The following XRN2 variants were observed in gnomAD, a reference collection of about 807,000 sequenced individuals.
XRN2 encodes the protein DHM1-like protein.
Under a neutral mutation model 138.5 loss-of-function variants are expected in XRN2, and 44 were observed. That is an observed-to-expected ratio of 0.32 (90% CI 0.25 to 0.41). XRN2 has a LOEUF of 0.41. Among genes scored for constraint, XRN2 ranks in the 10% least tolerant of loss-of-function variants. The pLI, the probability that XRN2 is intolerant of heterozygous loss-of-function variation, is 1.00. For synonymous variants in XRN2, 354 were observed against 369.4 expected, an observed-to-expected ratio of 0.96 and a Z score of 0.48; for missense variants, 937 against 1,169.3, an observed-to-expected ratio of 0.80 and a Z score of 2.90.
At chr20:21,305,898 C>T (rs2037809740) in intron 1 of XRN2, among the ~76,000 whole-genome samples, 1 of 66,376 alleles carries the variant, frequency 1.5e-5, no homozygotes, top group Admixed American at 1.8e-4. Flanking sequence ...TACAGGCGCC[C>T]GCCACCACGC....
intron 20 of XRN2, among the ~76,000 whole-genome samples, chr20:21,350,520 C>T (rs1205495968): frequency 6.0e-5 from 5 of 83,066 alleles, no homozygotes; most frequent in Admixed American, 1.9e-4. Context: ...AGCAAGACTC[C>T]GTCTCAAAAA....
intron 27 of XRN2, among the ~76,000 whole-genome samples, chr20:21,377,121 A>G (rs180931916): frequency 6.6e-6 from 1 of 152,312 alleles, no homozygotes; most frequent in East Asian, 1.9e-4. Flanking sequence ...TAAGAAATGT[A>G]TTGGATAAAT....
At chr20:21,378,083 A>T (rs1241013058) in intron 27 of XRN2, among the ~76,000 whole-genome samples, 1 of 152,212 alleles carries the variant, frequency 6.6e-6, no homozygotes, top group Admixed American at 6.5e-5. Context: ...GGGTAGTATT[A>T]TCCTTTTAAA....
At chr20:21,387,735 G>A (rs2038950411) in intron 29 of XRN2, among the ~76,000 whole-genome samples, 1 of 152,158 alleles carries the variant, frequency 6.6e-6, no homozygotes. Flanking sequence ...GTGATTCAGA[G>A]TAATGTGTAT....
At chr20:21,318,272 C>T (rs2037987621) in intron 1 of XRN2, among the ~76,000 whole-genome samples, 1 of 152,078 alleles carries the variant, frequency 6.6e-6, no homozygotes, top group Non-Finnish European at 1.5e-5. Context: ...AATGTCCTGT[C>T]TCTCGTCTCT....
intron 9 of XRN2, among the ~76,000 whole-genome samples, chr20:21,333,333 C>A (rs2038240766): frequency 6.6e-6 from 1 of 152,164 alleles, no homozygotes; most frequent in South Asian, 2.1e-4. Context: ...CTGTCTGGCC[C>A]TTTGCAGAAA....
At position 21,344,121 on chromosome 20, in the gene XRN2, C is replaced by A; in HGVS notation, c.1442C>A (p.Thr481Lys). ...TCGATATCTCCTAATACGAGTTTCACATCTGATGGCTCCCCGTCTCCATTA... is the reference window on the plus strand; with the variant it reads ...TCGATATCTCCTAATACGAGTTTCAAATCTGATGGCTCCCCGTCTCCATTA... The part of the protein sequence containing the change: ...SPSISPNTSF[T>K]SDGSPSPLGG... The change falls in exon 16 of 30, where the codon ACA becomes AAA. Residue 481 changes from threonine (T) to lysine (K), a missense_variant. By Grantham distance (78) the Thr-to-Lys change is moderately conservative. Around this residue, in one of 6 missense-constraint regions of XRN2, gnomAD observed 471 missense variants for 581.2 expected, o/e 0.81. Coordinates refer to ENST00000377191, the MANE Select transcript of XRN2 (RefSeq NM_012255.5). The A allele has an allele frequency of 6.2e-7, 1 of 1,613,158 alleles. No homozygotes were observed. The highest frequency in any genetic ancestry group is 8.5e-7 in the Non-Finnish European group (1 of 1,179,272).
At chr20:21,381,469 G>A (rs1405638611) in intron 27 of XRN2, among the ~76,000 whole-genome samples, 2 of 152,198 alleles carry the variant, frequency 1.3e-5, no homozygotes, top group African/African-American at 4.8e-5. Flanking sequence ...GGAGAAGTGG[G>A]TGGTCCCTTC....
At chr20:21,331,439 C>CACACACA in intron 6 of XRN2, 122 bp from the exon 7 acceptor site, 1 of 574,096 alleles carries the variant, frequency 1.7e-6, no homozygotes, top group Non-Finnish European at 3.1e-6. Context: ...ACACACACAC[C>CACACACA]CTTATTCAGA....
Position 21,354,888 on chromosome 20 carries a change from C to A in XRN2, c.2020+16C>A, listed in dbSNP as rs771719537. ...CCAGAAGAGAGTAAGAATTATACTT[C>A]TTAGTTAACATTGATCTGTGTAATA... On this transcript the variant is annotated intron_variant, in intron 21 of 29. Transcript: ENST00000377191. 6.3e-7 allele frequency: 1 copy of A among 1,599,644 alleles called. No individual in the cohort carries two copies. The highest frequency in any genetic ancestry group is 2.2e-5 in the East Asian group (1 of 44,768).
intron 16 of XRN2, among the ~76,000 whole-genome samples, chr20:21,345,948 A>C (rs1393278516): frequency 1.3e-5 from 2 of 151,142 alleles, no homozygotes; most frequent in African/African-American, 2.4e-5. Flanking sequence ...CTATTTTTTT[A>C]CATTTAAAAA....
At chr20:21,335,671 A>G (rs779781409) in intron 13 of XRN2, among the ~76,000 whole-genome samples, 2 of 152,202 alleles carry the variant, frequency 1.3e-5, no homozygotes, top group Non-Finnish European at 2.9e-5. Flanking sequence ...TTTTTCAACA[A>G]TTATGGTGGC....
intron 15 of XRN2, among the ~76,000 whole-genome samples, chr20:21,342,361 A>G (rs1334479810): frequency 6.6e-6 from 1 of 152,166 alleles, no homozygotes; most frequent in Non-Finnish European, 1.5e-5. Context: ...TTGATGAAAA[A>G]AACAGCTTAA....
chr20:21,328,532 G>A (rs1269226918), intron 3 of XRN2, 27 bp from the exon 4 acceptor site: 1 of 1,595,310 alleles, frequency 6.3e-7, no homozygotes, highest in Admixed American at 1.7e-5. Flanking sequence ...TTTGATGAGT[G>A]TTATGGAATA....
chr20:21,349,546 T>TAC, intron 20 of XRN2, 85 bp downstream of exon 20: 1 of 1,143,832 alleles, frequency 8.7e-7, no homozygotes, highest in Non-Finnish European at 1.3e-6. Flanking sequence ...ATAAATATTT[T>TAC]AGCCTGGGCA....
intron 26 of XRN2, among the ~76,000 whole-genome samples, chr20:21,366,879 A>T (rs979834771): frequency 6.6e-6 from 1 of 152,222 alleles, no homozygotes; most frequent in Non-Finnish European, 1.5e-5. Flanking sequence ...TATGTGTTGC[A>T]TGAGAATTCT....
At chr20:21,357,219 GC>G (rs1342737804) in intron 23 of XRN2, among the ~76,000 whole-genome samples, 2 of 152,130 alleles carry the variant, frequency 1.3e-5, no homozygotes, top group African/African-American at 4.8e-5. Context: ...ATAAACAAAA[GC>G]CCTTTGAGAT....
At chr20:21,376,239 C>T (rs553338541) in intron 27 of XRN2, among the ~76,000 whole-genome samples, 3 of 152,104 alleles carry the variant, frequency 2.0e-5, no homozygotes, top group African/African-American at 7.2e-5. Context: ...CCTGTAGTCT[C>T]AGCTACTCAG....
In XRN2 at chr20:21,365,555, G is replaced by A; in HGVS notation, c.2325-18G>A. On this transcript the variant is annotated intron_variant, in intron 25 of 29. Coordinates refer to ENST00000377191, the MANE Select transcript of XRN2 (RefSeq NM_012255.5). ...GTTTTCATCCCTATTACTAAGTGTT[G>A]TCTTTTTAAATGGTCAGAAAGCCAG... is the stretch of plus-strand genomic sequence containing the variant. 6.2e-7 allele frequency: 1 copy of A among 1,613,084 alleles called. No individual in the cohort carries two copies. Among genetic ancestry groups the A allele is most frequent in the Non-Finnish European group, 8.5e-7 (1 of 1,179,736 alleles).
Sources: allele counts gnomAD v4.1 joint callset (sites outside exome capture counted in the v4.1 genomes callset), GRCh38; gene constraint gnomAD v4.1.1; regional missense constraint gnomAD v4.1.1; transcripts MANE v1.5; gene names NCBI Gene and HGNC (gene_info 2026-07-23, HGNC 2026-07-21).